RORA: variants seen among roughly 807,000 people sequenced by gnomAD.
RORA encodes the protein nuclear receptor ROR-alpha.
In RORA, 7 loss-of-function variants were observed where a neutral mutation model predicts 69.5. That is an observed-to-expected ratio of 0.10 (90% CI 0.06 to 0.19). The LOEUF (loss-of-function observed/expected upper bound fraction) is 0.19, where lower values mean the gene tolerates loss of function less well. Among genes scored for constraint, RORA ranks in the 10% least tolerant of loss-of-function variants. The pLI is 1.00. For synonymous variants in RORA, 261 were observed against 240.8 expected (o/e 1.08, Z -0.78); for missense variants, 457 against 663.0 (o/e 0.69, Z 3.41).
At chr15:60,666,346 C>CTTT (rs1161494532) in intron 2 of RORA, among the ~76,000 whole-genome samples, 30 of 132,402 alleles carry the variant, frequency 2.3e-4, no homozygotes, top group Non-Finnish European at 3.9e-4. Context: ...TAATTTCTTT[C>CTTT]TTTTTTTTTT....
intron 1 of RORA, among the ~76,000 whole-genome samples, chr15:61,018,919 A>G (rs1895404662): frequency 6.6e-6 from 1 of 152,204 alleles, no homozygotes; most frequent in African/African-American, 2.4e-5. Flanking sequence ...AGAGTACCTG[A>G]AATGGCCCAA....
At chr15:60,968,244 A>G (rs756398364) in intron 1 of RORA, among the ~76,000 whole-genome samples, 2 of 152,152 alleles carry the variant, frequency 1.3e-5, no homozygotes, top group Non-Finnish European at 2.9e-5. Context: ...TGCTGAGCTG[A>G]CTCTGGAAGG....
chr15:60,808,569 G>A (rs879344115), intron 1 of RORA, among the ~76,000 whole-genome samples: 6 of 151,762 alleles, frequency 4.0e-5, no homozygotes, highest in Non-Finnish European at 7.4e-5. Flanking sequence ...AGGTATCTAC[G>A]CAGAGGAAAA....
At position 61,111,674 on chromosome 15, in the gene RORA, G is replaced by A. The variant is rs138531562; in HGVS notation, c.166+117379C>T. Among the ~76,000 whole-genome samples the A allele has an allele frequency of 1.8e-3, 281 of 152,068 alleles. 7 individuals are homozygous for A. The East Asian group carries it at 0.051, about 28-fold the overall frequency. On this transcript the variant is annotated intron_variant, in intron 1 of 10. Transcript: ENST00000335670. ...CAAGTATGCCCTTATTTTTGTGAAA[G>A]TATAAACCTTATCTCCATTTAGCTA...
At chr15:61,114,880 C>T (rs952648560) in intron 1 of RORA, among the ~76,000 whole-genome samples, 6 of 152,180 alleles carry the variant, frequency 3.9e-5, no homozygotes, top group Non-Finnish European at 7.3e-5. Context: ...TATAAGAGTC[C>T]ATTTACGACA....
intron 2 of RORA, among the ~76,000 whole-genome samples, chr15:60,604,237 A>G (rs916796548): frequency 6.6e-6 from 1 of 152,050 alleles, no homozygotes; most frequent in African/African-American, 2.4e-5. Flanking sequence ...ACAAGAGGGC[A>G]GAACATCACC....
intron 1 of RORA, among the ~76,000 whole-genome samples, chr15:61,118,582 GC>G (rs1403790947): frequency 6.6e-6 from 1 of 152,118 alleles, no homozygotes; most frequent in Non-Finnish European, 1.5e-5. Context: ...TAGGCACGGG[GC>G]CCCGAGAGTT....
intron 1 of RORA, among the ~76,000 whole-genome samples, chr15:60,947,110 TG>T (rs1203201391): frequency 7.7e-6 from 1 of 130,596 alleles, no homozygotes; most frequent in Non-Finnish European, 1.6e-5. Flanking sequence ...GGGAGGGAGG[TG>T]GGGGGGTCAG....
At chr15:60,991,264 T>G (rs1165677224) in intron 1 of RORA, among the ~76,000 whole-genome samples, 1 of 144,636 alleles carries the variant, frequency 6.9e-6, no homozygotes, top group African/African-American at 2.5e-5. Flanking sequence ...TAGAAACTGT[T>G]TGTTGAGTGA....
In RORA at chr15:60,581,490, G is replaced by A. The variant is rs115470051; in HGVS notation, c.197-49639C>T. 3.7e-3 allele frequency among the ~76,000 whole-genome samples: 570 copies of A among 152,312 alleles called. 1 individual carries two copies. Among genetic ancestry groups the A allele is most frequent in the African/African-American group, 0.013 (544 of 41,574 alleles). Reference sequence around the variant, plus strand: ...GGAGGAGGATTTTTCATAATCTTGTGTCTAGGGCAAACGTGGCTGTGAATG... The same window carrying A: ...GGAGGAGGATTTTTCATAATCTTGTATCTAGGGCAAACGTGGCTGTGAATG... On this transcript the variant is annotated intron_variant, in intron 2 of 10. Coordinates refer to ENST00000335670, the MANE Select transcript of RORA (RefSeq NM_134261.3).
intron 1 of RORA, among the ~76,000 whole-genome samples, chr15:60,922,300 G>A (rs921823292): frequency 1.4e-4 from 21 of 152,076 alleles, no homozygotes; most frequent in African/African-American, 3.9e-4. Context: ...AACACCAAGA[G>A]TGAACCCTAA....
chr15:61,016,250 A>G (rs1449408803), intron 1 of RORA, among the ~76,000 whole-genome samples: 1 of 152,214 alleles, frequency 6.6e-6, no homozygotes, highest in Non-Finnish European at 1.5e-5. Flanking sequence ...AGATGAGATA[A>G]TACAAATAAA....
At chr15:60,766,002 C>CT (rs1196484518) in intron 1 of RORA, among the ~76,000 whole-genome samples, 1 of 152,124 alleles carries the variant, frequency 6.6e-6, no homozygotes, top group Non-Finnish European at 1.5e-5. Flanking sequence ...AGGAATTCGC[C>CT]TGCAGTGTCT....
At chr15:61,116,430 C>T (rs1398486593) in intron 1 of RORA, among the ~76,000 whole-genome samples, 5 of 152,252 alleles carry the variant, frequency 3.3e-5, no homozygotes, top group African/African-American at 1.2e-4. Flanking sequence ...GTTAAAGACC[C>T]CCACATTTCC....
At chr15:61,143,313 C>A (rs990303567) in intron 1 of RORA, among the ~76,000 whole-genome samples, 1 of 151,888 alleles carries the variant, frequency 6.6e-6, no homozygotes, top group African/African-American at 2.4e-5. Flanking sequence ...GATGTAAAAG[C>A]TGGCAAAATA....
chr15:60,653,096 G>A (rs965677698), intron 2 of RORA, among the ~76,000 whole-genome samples: 3 of 152,180 alleles, frequency 2.0e-5, no homozygotes, highest in Non-Finnish European at 2.9e-5. Flanking sequence ...GTGGGCTTTC[G>A]TTTCTACAGG....
At chr15:60,843,200 G>A (rs1437078225) in intron 1 of RORA, among the ~76,000 whole-genome samples, 1 of 152,136 alleles carries the variant, frequency 6.6e-6, no homozygotes, top group African/African-American at 2.4e-5. Context: ...CTTGCTCAAA[G>A]CACAAACATG....
intron 1 of RORA, among the ~76,000 whole-genome samples, chr15:60,893,846 T>C (rs1261552198): frequency 6.6e-6 from 1 of 152,144 alleles, no homozygotes; most frequent in East Asian, 1.9e-4. Context: ...ATTTTATAAA[T>C]GAGGAAACTA....
At chr15:60,758,375 T>C (rs982197629) in intron 1 of RORA, among the ~76,000 whole-genome samples, 14 of 152,246 alleles carry the variant, frequency 9.2e-5, no homozygotes, top group African/African-American at 3.4e-4. Context: ...TACCCATTTG[T>C]AACAAGTTAC....
Sources: gnomAD v4.1 joint callset for allele counts (sites outside exome capture counted in the v4.1 genomes callset) on GRCh38, gnomAD v4.1.1 for gene constraint, MANE v1.5 for transcripts, NCBI Gene and HGNC (gene_info 2026-07-23, HGNC 2026-07-21) for gene names.